CSDC2: variants seen among roughly 807,000 people sequenced by gnomAD.
CSDC2 encodes cold shock domain containing C2.
Under a neutral mutation model 15.8 loss-of-function variants are expected in CSDC2, and 8 were observed. That is an observed-to-expected ratio of 0.51 (90% confidence interval 0.30 to 0.92). The LOEUF (loss-of-function observed/expected upper bound fraction) is 0.92. CSDC2 is among the 40% of genes least tolerant of loss of function. The pLI, the probability that CSDC2 is intolerant of heterozygous loss-of-function variation, is 0.07. For synonymous variants in CSDC2, 96 were observed against 92.3 expected (o/e 1.04, Z -0.23); for missense variants, 195 against 213.3 (o/e 0.91, Z 0.53).
chr22:41,572,180 C>T, intron 2 of CSDC2, 39 bp downstream of exon 2: 1 of 1,272,090 alleles, frequency 7.9e-7, no homozygotes. Context: ...TGACCCTTGT[C>T]AGGACAGGGG....
chr22:41,571,728 A>T, intron 1 of CSDC2, 115 bp from the exon 2 acceptor site: 60 of 347,526 alleles, frequency 1.7e-4, no homozygotes, highest in East Asian at 2.5e-4. Context: ...GTCGTTTGTG[A>T]CTTGAAGTAA....
At chr22:41,562,406 CA>C (rs10642302) in intron 1 of CSDC2, among the ~76,000 whole-genome samples, 160 of 131,914 alleles carry the variant, frequency 1.2e-3, no homozygotes, top group Admixed American at 2.6e-3. Flanking sequence ...TCACCCCCTT[CA>C]AAAAAAAAAA....
intron 1 of CSDC2, among the ~76,000 whole-genome samples, chr22:41,570,895 G>T (rs2067142047): frequency 6.6e-6 from 1 of 151,346 alleles, no homozygotes; most frequent in Non-Finnish European, 1.5e-5. Context: ...GGAGGCTGAG[G>T]TGGGAGGATC....
chr22:41,570,995 A>C (rs1428854666), intron 1 of CSDC2, among the ~76,000 whole-genome samples: 1 of 151,370 alleles, frequency 6.6e-6, no homozygotes, highest in Non-Finnish European at 1.5e-5. Flanking sequence ...AAAAAAAAAA[A>C]AAAACAAAGG....
intron 1 of CSDC2, among the ~76,000 whole-genome samples, chr22:41,571,346 CTCTG>C (rs963613627): frequency 1.3e-5 from 2 of 152,094 alleles, no homozygotes; most frequent in African/African-American, 4.8e-5. Context: ...AAGAGTGAGA[CTCTG>C]TCTAAAACAA....
At chr22:41,563,705 T>C (rs1444186028) in intron 1 of CSDC2, among the ~76,000 whole-genome samples, 1 of 151,978 alleles carries the variant, frequency 6.6e-6, no homozygotes, top group Non-Finnish European at 1.5e-5. Flanking sequence ...AGGGCAGATA[T>C]GCTGCACCTG....
At position 41,572,119 on chromosome 22, in the gene CSDC2, A is replaced by G. The variant is rs1300286355; in HGVS notation, c.154A>G (p.Lys52Glu). Residue 52 changes from lysine (K) to glutamate (E), a missense_variant, in exon 2 of 4, where the codon AAG (lysine) becomes GAG (glutamate). Coordinates refer to ENST00000306149, the MANE Select transcript of CSDC2 (RefSeq NM_014460.4). ...PRDLPSPLPT[K>E]RTRTYSATAR... is the part of the protein sequence containing the mutation. ...GGACCTACCCAGCCCTCTGCCCACC[A>G]AGCGGACCAGGACCTATTCAGCGTG... The G allele has an allele frequency of 5.9e-6, 8 of 1,346,834 alleles. No individual in the cohort carries two copies. Among genetic ancestry groups the G allele is most frequent in the Admixed American group, 3.4e-5 (1 of 29,348 alleles). 83.4% of individuals were successfully genotyped at this position (1,346,834 alleles called of 1,614,324 possible). A position where few individuals can be genotyped will look rare whatever the true frequency, so the allele number is the denominator to read the frequency against.
chr22:41,571,836 C>A lies in CSDC2; in HGVS notation c.-123-7C>A. On this transcript the variant is annotated splice_polypyrimidine_tract_variant and splice_region_variant and intron_variant, in intron 1 of 3. Coordinates refer to ENST00000306149, the MANE Select transcript of CSDC2 (RefSeq NM_014460.4). The stretch of plus-strand genomic sequence containing the variant: ...GGCTCACCTGTGCCTCTTTCTTCCT[C>A]TTCCAGACGGAGCCCGTGGCTGGTG... The A allele has an allele frequency of 1.9e-6, 1 of 528,312 alleles. No homozygotes were observed. The highest frequency in any genetic ancestry group is 6.7e-5 in the South Asian group (1 of 14,952). 32.7% of individuals were successfully genotyped at this position (528,312 alleles called of 1,614,324 possible).
chr22:41,571,637 T>C (rs1035195979), intron 1 of CSDC2, among the ~76,000 whole-genome samples: 33 of 152,022 alleles, frequency 2.2e-4, no homozygotes, highest in African/African-American at 7.7e-4. Context: ...GTTAAGAGAA[T>C]TGAACTGCAA....
At chr22:41,569,303 C>T (rs570467340) in intron 1 of CSDC2, among the ~76,000 whole-genome samples, 1 of 152,358 alleles carries the variant, frequency 6.6e-6, no homozygotes, top group East Asian at 1.9e-4. Flanking sequence ...CCATAAAATT[C>T]ACCTGCTTAA....
rs1333214166 is a variant in CSDC2, at chr22:41,561,049, C to G, written c.-258C>G. ...CCGCCCGCGCGAGCACACACAGACA[C>G]ACACACACACACACACACACACACA... On this transcript the variant is annotated 5_prime_UTR_variant, in exon 1 of 4. Coordinates refer to ENST00000306149, the MANE Select transcript of CSDC2 (RefSeq NM_014460.4). The G allele has an allele frequency of 1.8e-5, 2 of 111,740 alleles. No homozygotes were observed. The highest frequency in any genetic ancestry group is 1.6e-4 in the Admixed American group (2 of 12,230). 6.9% of individuals were successfully genotyped at this position (111,740 alleles called of 1,614,324 possible). A position where few individuals can be genotyped will look rare whatever the true frequency, so the allele number is the denominator to read the frequency against.
Position 41,561,036 on chromosome 22 carries a change from G to GCACACACAGA in CSDC2, c.-262_-253dup, listed in dbSNP as rs1555895767. Reference sequence around the variant, plus strand: ...AGGGGCTGAGGTACCGCCCGCGCGAGCACACACAGACACACACACACACAC... The same window carrying GCACACACAGA: ...AGGGGCTGAGGTACCGCCCGCGCGAGCACACACAGACACACACAGACACACACACACACAC... On this transcript the variant is annotated 5_prime_UTR_variant, in exon 1 of 4. Transcript: ENST00000306149. 4.3e-4 allele frequency: 49 copies of GCACACACAGA among 115,024 alleles called. No individual in the cohort carries two copies. Among genetic ancestry groups the GCACACACAGA allele is most frequent in the Admixed American group, 1.8e-3 (16 of 8,970 alleles). The allele number at this position is 115,024 out of a possible 1,614,324, so 7.1% of individuals were successfully genotyped here.
Position 41,574,862 on chromosome 22 carries a change from C to G in CSDC2, c.429C>G (p.His143Gln). 2 of 1,608,328 alleles carry G rather than the reference C, an allele frequency of 1.2e-6. No individual in the cohort carries two copies. Among genetic ancestry groups the G allele is most frequent in the Non-Finnish European group, 1.7e-6 (2 of 1,177,638 alleles). ...CTCAGCTGGCCCCCCACACTCCCCA[C>G]GAGACGTGGTCTGGCCAGGTCGTGG... ...VLTQLAPHTP[H>Q]ETWSGQVVGS Residue 143 changes from histidine (H) to glutamine (Q), a missense_variant, in exon 4 of 4, where the codon CAC (histidine) becomes CAG (glutamine). By Grantham distance (24) the His-to-Gln change is conservative. Coordinates refer to ENST00000306149, the MANE Select transcript of CSDC2 (RefSeq NM_014460.4).
intron 1 of CSDC2, among the ~76,000 whole-genome samples, chr22:41,565,683 C>T (rs537135761): frequency 6.6e-6 from 1 of 152,276 alleles, no homozygotes; most frequent in African/African-American, 2.4e-5. Context: ...GAGCAGAGTC[C>T]CAGCATGGGC....
intron 2 of CSDC2, among the ~76,000 whole-genome samples, chr22:41,572,386 ACCCATCCATCCATCCATCCATCC>A (rs2067151238): frequency 1.7e-5 from 1 of 58,736 alleles, no homozygotes; most frequent in Non-Finnish European, 3.3e-5. Flanking sequence ...CCACCCACCC[ACCCATCCATCCATCCATCCATCC>A]ATCCATCCAT....
At chr22:41,563,579 A>G (rs1156901558) in intron 1 of CSDC2, among the ~76,000 whole-genome samples, 1 of 152,078 alleles carries the variant, frequency 6.6e-6, no homozygotes, top group East Asian at 1.9e-4. Context: ...AAAGCCAGAA[A>G]TAAAAGCCCC....
intron 3 of CSDC2, among the ~76,000 whole-genome samples, chr22:41,574,037 G>C (rs1027149877): frequency 1.3e-5 from 2 of 152,216 alleles, no homozygotes; most frequent in Non-Finnish European, 2.9e-5. Flanking sequence ...GTCTGAGAGG[G>C]CTAGGCCAGC....
intron 3 of CSDC2, among the ~76,000 whole-genome samples, chr22:41,574,236 G>A (rs1191414981): frequency 2.6e-5 from 4 of 152,146 alleles, no homozygotes; most frequent in Admixed American, 2.0e-4. Context: ...ACCCAGAAAG[G>A]GAGGTACAGT....
chr22:41,572,164 G>A lies in CSDC2; in HGVS notation c.176+23G>A, dbSNP rs58124049. Reference sequence around the variant, plus strand: ...AGCGTGAGTACCTGCCCCTTGCCCAGGCCCCTGACCCTTGTCAGGACAGGG... The same window carrying A: ...AGCGTGAGTACCTGCCCCTTGCCCAAGCCCCTGACCCTTGTCAGGACAGGG... On this transcript the variant is annotated intron_variant, in intron 2 of 3. Transcript: ENST00000306149. 4.1e-3 allele frequency: 5,332 copies of A among 1,290,984 alleles called. 179 individuals carry two copies. In the African/African-American group the frequency reaches 0.066, roughly 16 times the overall value. 80.0% of individuals were successfully genotyped at this position (1,290,984 alleles called of 1,614,324 possible). A position where few individuals can be genotyped will look rare whatever the true frequency, so the allele number is the denominator to read the frequency against.
Sources: allele counts gnomAD v4.1 joint callset (sites outside exome capture counted in the v4.1 genomes callset), GRCh38; gene constraint gnomAD v4.1.1; transcripts MANE v1.5; gene names NCBI Gene and HGNC (gene_info 2026-07-23, HGNC 2026-07-21).